Variants in KCNH7 observed in about 807,000 individuals in gnomAD.
The protein encoded by KCNH7 is potassium voltage-gated channel subfamily H member 7.
KCNH7 carries 49 observed loss-of-function variants against 120.8 expected under a neutral mutation model. The ratio of observed to expected loss-of-function variants is 0.41; its 90% CI spans 0.32 to 0.51. The LOEUF is 0.51. Among genes scored for constraint, KCNH7 ranks in the 20% least tolerant of loss-of-function variants. The probability of loss-of-function intolerance (pLI) is 0.38; values close to 1 mark genes in which losing one functional copy is unlikely to be tolerated. For synonymous variants in KCNH7, 547 were observed against 516.1 expected, an observed-to-expected ratio of 1.06 and a Z score of -0.81; for missense variants, 1,097 against 1,446.6, an observed-to-expected ratio of 0.76 and a Z score of 3.92.
In KCNH7 at chr2:162,608,517, T is replaced by C. The variant is rs547658952; in HGVS notation, c.308-71437A>G. 7.9e-5 allele frequency among the ~76,000 whole-genome samples: 12 copies of C among 152,308 alleles called. No homozygotes were observed. The South Asian group carries it at 8.3e-4, about 11-fold the overall frequency. ...AAGTGGGGATCACTTTGTGGAGTTA[T>C]CAAAATTTTTCTTTTTATTTAGCAT... On this transcript the variant is annotated intron_variant, in intron 2 of 15. Transcript: ENST00000332142.
chr2:162,680,302 C>T (rs1270384179), intron 2 of KCNH7, among the ~76,000 whole-genome samples: 2 of 151,580 alleles, frequency 1.3e-5, no homozygotes, highest in Non-Finnish European at 3.0e-5. Context: ...TGAAGAGCAA[C>T]ATACAAACCG....
intron 2 of KCNH7, among the ~76,000 whole-genome samples, chr2:162,685,279 G>A (rs1010273184): frequency 1.3e-5 from 2 of 151,924 alleles, no homozygotes; most frequent in African/African-American, 4.8e-5. Flanking sequence ...AACCACCATG[G>A]CACATGTATA....
chr2:162,763,728 AGTGTGTGTGTGTGTGTGTGT>A (rs72350942), intron 2 of KCNH7, among the ~76,000 whole-genome samples: 32 of 139,328 alleles, frequency 2.3e-4, no homozygotes, highest in African/African-American at 5.3e-4. Flanking sequence ...AGGCATTTGC[AGTGTGTGTGTGTGTGTGTGT>A]GTGTGTGTGT....
Position 162,396,755 on chromosome 2 carries a change from C to A in KCNH7, c.2598G>T (p.Arg866Ser), listed in dbSNP as rs1473133525. 6.2e-7 allele frequency: 1 copy of A among 1,610,226 alleles called. No individual in the cohort carries two copies. The highest frequency in any genetic ancestry group is 1.3e-5 in the African/African-American group (1 of 74,704). ...LTNLELTFNL[R>S]HESAKADLLR... ...TAACATATACCTTTGCGCTCTCATG[C>A]CTTAGGTTGAAAGTCAACTCTAGGT... The change falls in exon 11 of 16, where the codon AGG (arginine) becomes AGT (serine). Residue 866 changes from arginine to serine, a missense_variant. Arg to Ser is a moderately radical substitution (Grantham distance 110). Transcript: ENST00000332142.
chr2:162,395,614 AC>A (rs1334692667), intron 11 of KCNH7, among the ~76,000 whole-genome samples: 1 of 151,754 alleles, frequency 6.6e-6, no homozygotes, highest in African/African-American at 2.4e-5. Flanking sequence ...GTGACATAAA[AC>A]TAAGATTGGG....
chr2:162,392,016 A>T (rs185237770), intron 12 of KCNH7, among the ~76,000 whole-genome samples: 2 of 152,182 alleles, frequency 1.3e-5, no homozygotes. Context: ...ATCAATAATT[A>T]GTCCAATTCA....
intron 2 of KCNH7, among the ~76,000 whole-genome samples, chr2:162,608,372 T>A (rs1465571487): frequency 2.6e-5 from 4 of 152,142 alleles, no homozygotes; most frequent in Non-Finnish European, 5.9e-5. Flanking sequence ...AACTCTGGGG[T>A]GTAACCTGGG....
At chr2:162,765,275 T>C (rs952222892) in intron 2 of KCNH7, among the ~76,000 whole-genome samples, 2 of 152,198 alleles carry the variant, frequency 1.3e-5, no homozygotes, top group African/African-American at 2.4e-5. Flanking sequence ...TCCTGGTATG[T>C]GTACAAGTCC....
intron 2 of KCNH7, among the ~76,000 whole-genome samples, chr2:162,725,780 A>G (rs1221097754): frequency 2.6e-5 from 4 of 152,206 alleles, no homozygotes; most frequent in Non-Finnish European, 5.9e-5. Flanking sequence ...GAGAAAATAG[A>G]GTAAAAACAC....
intron 2 of KCNH7, among the ~76,000 whole-genome samples, chr2:162,540,911 T>G (rs1329313805): frequency 2.0e-5 from 3 of 152,026 alleles, no homozygotes; most frequent in Admixed American, 6.6e-5. Context: ...GCCCAGGGTG[T>G]TGTTGTTGCA....
chr2:162,397,023 C>T, intron 10 of KCNH7, 78 bp from the exon 11 acceptor site: 1 of 947,108 alleles, frequency 1.1e-6, no homozygotes, highest in South Asian at 1.5e-5. Context: ...AGAAGGGGGT[C>T]ATTAAACAAT....
At chr2:162,706,101 TCCA>T (rs1686692227) in intron 2 of KCNH7, among the ~76,000 whole-genome samples, 1 of 152,088 alleles carries the variant, frequency 6.6e-6, no homozygotes, top group Non-Finnish European at 1.5e-5. Context: ...TCTTTTGTGC[TCCA>T]TTACACAAAG....
At chr2:162,670,166 G>A (rs1243984486) in intron 2 of KCNH7, among the ~76,000 whole-genome samples, 1 of 150,900 alleles carries the variant, frequency 6.6e-6, no homozygotes, top group Non-Finnish European at 1.5e-5. Flanking sequence ...ATGCAAGAAG[G>A]GATTATTAGA....
intron 2 of KCNH7, among the ~76,000 whole-genome samples, chr2:162,654,510 G>A (rs913959679): frequency 6.6e-5 from 10 of 152,010 alleles, no homozygotes; most frequent in Non-Finnish European, 2.9e-5. Context: ...GTGTTGGTAA[G>A]AATGGGGAGA....
intron 2 of KCNH7, among the ~76,000 whole-genome samples, chr2:162,583,079 T>G (rs1057367595): frequency 2.4e-4 from 37 of 152,080 alleles, no homozygotes; most frequent in Non-Finnish European, 1.2e-4. Flanking sequence ...CAAAATTGCA[T>G]CCCTGGTTGT....
At chr2:162,674,150 TTAA>T (rs1685456782) in intron 2 of KCNH7, among the ~76,000 whole-genome samples, 1 of 151,792 alleles carries the variant, frequency 6.6e-6, no homozygotes, top group Non-Finnish European at 1.5e-5. Flanking sequence ...ATTTTTAGAA[TTAA>T]TAAGAGTTTA....
chr2:162,748,155 T>C (rs1377253856), intron 2 of KCNH7, among the ~76,000 whole-genome samples: 1 of 152,208 alleles, frequency 6.6e-6, no homozygotes, highest in Non-Finnish European at 1.5e-5. Context: ...CAAATACTCT[T>C]GGGACCTCAT....
At chr2:162,472,419 G>C (rs1177652044) in intron 6 of KCNH7, among the ~76,000 whole-genome samples, 1 of 152,192 alleles carries the variant, frequency 6.6e-6, no homozygotes, top group Non-Finnish European at 1.5e-5. Flanking sequence ...CCATCAACAA[G>C]TGGGTAAAGG....
intron 2 of KCNH7, among the ~76,000 whole-genome samples, chr2:162,571,626 C>T (rs1298884364): frequency 6.7e-6 from 1 of 148,748 alleles, no homozygotes; most frequent in Admixed American, 6.8e-5. Flanking sequence ...GGAGGCATCA[C>T]CCTACCTGAC....
Sources: allele counts gnomAD v4.1 joint callset (sites outside exome capture counted in the v4.1 genomes callset), GRCh38; gene constraint gnomAD v4.1.1; transcripts MANE v1.5; gene names NCBI Gene and HGNC (gene_info 2026-07-23, HGNC 2026-07-21).